NAALADL2: variants seen among roughly 807,000 people sequenced by gnomAD.
The protein encoded by NAALADL2 is N-acetylated alpha-linked acidic dipeptidase like 2.
In NAALADL2, 76 loss-of-function variants were observed where a neutral mutation model predicts 87.2. That is an observed-to-expected ratio of 0.87 (90% CI 0.72 to 1.05). NAALADL2 has a LOEUF of 1.05. Among genes scored for constraint, NAALADL2 ranks in the 50% least tolerant of loss-of-function variants. The pLI, the probability that NAALADL2 is intolerant of heterozygous loss-of-function variation, is 0.00. For missense variants in NAALADL2, 1,089 were observed against 945.8 expected, an observed-to-expected ratio of 1.15 and a Z score of -1.99; for synonymous variants, 354 against 331.0, an observed-to-expected ratio of 1.07 and a Z score of -0.75.
intron 2 of NAALADL2, among the ~76,000 whole-genome samples, chr3:175,150,150 T>C (rs951131700): frequency 1.2e-4 from 19 of 152,192 alleles, no homozygotes; most frequent in Non-Finnish European, 2.4e-4. Flanking sequence ...AATCTTTCTA[T>C]GTTTTATAAC....
At chr3:175,020,246 A>G (rs1225673833) in intron 1 of NAALADL2, among the ~76,000 whole-genome samples, 1 of 152,052 alleles carries the variant, frequency 6.6e-6, no homozygotes, top group African/African-American at 2.4e-5. Flanking sequence ...GAAAACCAGA[A>G]GTTGCTTCTC....
intron 2 of NAALADL2, among the ~76,000 whole-genome samples, chr3:175,110,003 TG>T (rs1460224910): frequency 4.0e-5 from 6 of 151,834 alleles, no homozygotes; most frequent in Non-Finnish European, 7.4e-5. Context: ...TTAAAAATAT[TG>T]AAAGTACAGT....
chr3:175,549,431 A>G (rs1297272628), intron 9 of NAALADL2, among the ~76,000 whole-genome samples: 2 of 152,120 alleles, frequency 1.3e-5, no homozygotes, highest in Non-Finnish European at 2.9e-5. Flanking sequence ...ATTTTGGTCT[A>G]TATGAATCTA....
At chr3:174,755,926 C>T (rs770216418) in intron 3 of NAALADL2, among the ~76,000 whole-genome samples, 21 of 152,138 alleles carry the variant, frequency 1.4e-4, no homozygotes, top group Admixed American at 3.9e-4. Context: ...CTGCATAGGC[C>T]CATTGTGTAG....
At chr3:175,534,708 T>A (rs1477632981) in intron 9 of NAALADL2, among the ~76,000 whole-genome samples, 3 of 151,910 alleles carry the variant, frequency 2.0e-5, no homozygotes, top group Admixed American at 6.6e-5. Flanking sequence ...GGTATTTAAA[T>A]GATAAAGGAG....
At chr3:174,988,639 C>A (rs1746299381) in intron 1 of NAALADL2, among the ~76,000 whole-genome samples, 1 of 152,158 alleles carries the variant, frequency 6.6e-6, no homozygotes, top group Admixed American at 6.5e-5. Context: ...AGATTTATTT[C>A]AAGCCTCTCT....
intron 2 of NAALADL2, among the ~76,000 whole-genome samples, chr3:174,632,992 A>T (rs1722290242): frequency 6.6e-6 from 1 of 151,632 alleles, no homozygotes; most frequent in Non-Finnish European, 1.5e-5. Context: ...GCTGGCTCAA[A>T]GTACAGTAAG....
chr3:175,437,316 A>G (rs1718864851), intron 5 of NAALADL2, among the ~76,000 whole-genome samples: 1 of 145,750 alleles, frequency 6.9e-6, no homozygotes, highest in Non-Finnish European at 1.5e-5. Context: ...ACAGACAAAC[A>G]GAGAGCCAAA....
At chr3:175,172,053 G>T (rs1560116994) in intron 2 of NAALADL2, among the ~76,000 whole-genome samples, 1 of 152,074 alleles carries the variant, frequency 6.6e-6, no homozygotes, top group African/African-American at 2.4e-5. Flanking sequence ...GTAGCTAGAA[G>T]AGAGGACTTG....
At chr3:174,649,108 C>T (rs959606136) in intron 2 of NAALADL2, among the ~76,000 whole-genome samples, 4 of 152,066 alleles carry the variant, frequency 2.6e-5, no homozygotes, top group African/African-American at 7.2e-5. Flanking sequence ...GGATTACAGG[C>T]TCCTGCCACC....
intron 2 of NAALADL2, among the ~76,000 whole-genome samples, chr3:174,555,321 G>C (rs548763406): frequency 3.2e-4 from 48 of 152,122 alleles, no homozygotes; most frequent in African/African-American, 1.1e-3. Context: ...ATTTTTTTGA[G>C]AGAGTCTCAC....
chr3:174,509,358 G>A (rs1005951988), intron 1 of NAALADL2, among the ~76,000 whole-genome samples: 8 of 150,468 alleles, frequency 5.3e-5, no homozygotes, highest in Non-Finnish European at 1.0e-4. Flanking sequence ...TCTCATAGTG[G>A]GTGGAGAGAG....
intron 3 of NAALADL2, among the ~76,000 whole-genome samples, chr3:175,254,014 A>G (rs1426747734): frequency 1.3e-5 from 2 of 152,184 alleles, no homozygotes; most frequent in African/African-American, 4.8e-5. Context: ...TGAAATGACA[A>G]CAAAGGATTT....
At chr3:175,165,584 C>A (rs1268979146) in intron 2 of NAALADL2, among the ~76,000 whole-genome samples, 1 of 152,086 alleles carries the variant, frequency 6.6e-6, no homozygotes, top group Non-Finnish European at 1.5e-5. Flanking sequence ...AACAGAAATT[C>A]ATGTAAAATT....
At chr3:174,707,794 TA>T (rs559228656) in intron 2 of NAALADL2, among the ~76,000 whole-genome samples, 1,468 of 138,930 alleles carry the variant, frequency 0.011, 13 homozygotes, top group African/African-American at 0.025. Context: ...TAAAGTATAA[TA>T]AAAAAAAATT....
chr3:174,783,116 G>A (rs1716195333), intron 3 of NAALADL2, among the ~76,000 whole-genome samples: 1 of 152,032 alleles, frequency 6.6e-6, no homozygotes, highest in African/African-American at 2.4e-5. Context: ...GCTGTCTATT[G>A]GAGATAACAT....
chr3:174,911,838 C>T lies in NAALADL2; in HGVS notation c.43+52388C>T, dbSNP rs115055827. Among the ~76,000 whole-genome samples the T allele has an allele frequency of 1.8e-3, 270 of 152,080 alleles. 4 individuals carry two copies. The highest frequency in any genetic ancestry group is 6.4e-3 in the African/African-American group (264 of 41,440). ...TACGATGTAGCCTCAAGTATGTAAG[C>T]GGCAAGAACCACAGCCTTTAGAGCG... On this transcript the variant is annotated intron_variant, in intron 1 of 13. Coordinates refer to ENST00000454872, the MANE Select transcript of NAALADL2 (RefSeq NM_207015.3).
At chr3:175,730,452 A>G (rs1465766266) in intron 11 of NAALADL2, among the ~76,000 whole-genome samples, 1 of 133,850 alleles carries the variant, frequency 7.5e-6, no homozygotes, top group African/African-American at 2.7e-5. Flanking sequence ...ATACACACAT[A>G]CACACGCACA....
intron 1 of NAALADL2, among the ~76,000 whole-genome samples, chr3:175,096,338 C>T (rs1367434912): frequency 6.6e-6 from 1 of 152,098 alleles, no homozygotes; most frequent in East Asian, 1.9e-4. Context: ...TTCCCTTTAA[C>T]TTACCAAATC....
Sources: allele counts gnomAD v4.1 joint callset (sites outside exome capture counted in the v4.1 genomes callset), GRCh38; gene constraint gnomAD v4.1.1; transcripts MANE v1.5; gene names NCBI Gene and HGNC (gene_info 2026-07-23, HGNC 2026-07-21).